Variants in SASH1 observed in about 807,000 individuals in gnomAD.
SASH1 encodes SAM and SH3 domain-containing protein 1.
A neutral mutation model predicts 125.2 loss-of-function variants in SASH1; 44 were observed. The observed-to-expected ratio is 0.35, with a 90% confidence interval of 0.28 to 0.45. The LOEUF is 0.45. Ranked by LOEUF, SASH1 falls within the 20% of genes least tolerant of loss-of-function variation. SASH1 has a pLI of 1.00. For synonymous variants in SASH1, 639 were observed against 649.1 expected (o/e 0.98, Z 0.24); for missense variants, 1,426 against 1,614.5 (o/e 0.88, Z 2.00).
chr6:148,514,149 A>C, intron 8 of SASH1, 175 bp from the exon 9 acceptor site: 1 of 1,391,706 alleles, frequency 7.2e-7, no homozygotes, highest in Non-Finnish European at 9.3e-7. Context: ...GCCGATTTAG[A>C]TCTTAAGATG....
chr6:148,370,165 T>C (rs1042498679), intron 1 of SASH1, among the ~76,000 whole-genome samples: 9 of 152,184 alleles, frequency 5.9e-5, no homozygotes, highest in African/African-American at 1.9e-4. Context: ...CGAATGTCCC[T>C]GTCTACACAA....
chr6:148,275,425 A>T (rs1332708115), intron 1 of SASH1, among the ~76,000 whole-genome samples: 1 of 152,046 alleles, frequency 6.6e-6, no homozygotes, highest in African/African-American at 2.4e-5. Context: ...TCTTTTGCCT[A>T]GACTGTCTTA....
At chr6:148,397,287 C>G (rs924211585) in intron 2 of SASH1, among the ~76,000 whole-genome samples, 2 of 152,074 alleles carry the variant, frequency 1.3e-5, no homozygotes, top group African/African-American at 4.8e-5. Flanking sequence ...TTGAAACCAG[C>G]TTGTCCAACA....
chr6:148,345,461 G>T (rs1200733115), intron 1 of SASH1, among the ~76,000 whole-genome samples: 1 of 152,196 alleles, frequency 6.6e-6, no homozygotes, highest in Non-Finnish European at 1.5e-5. Flanking sequence ...GTCCCAGACA[G>T]GTTGTGTTTG....
At chr6:148,204,956 G>A in the SASH1 span, among the ~76,000 whole-genome samples, 111 of 152,158 alleles carry the variant, frequency 7.3e-4, no homozygotes, top group Middle Eastern at 3.4e-3. Context: ...TTCCGAGAAG[G>A]CTGTCAGGTG....
At chr6:148,204,894 T>A in the SASH1 span, among the ~76,000 whole-genome samples, 3 of 152,338 alleles carry the variant, frequency 2.0e-5, no homozygotes, top group South Asian at 6.2e-4. Flanking sequence ...TTGCATGAGC[T>A]ATCATGGTCC....
intron 4 of SASH1, among the ~76,000 whole-genome samples, chr6:148,447,116 T>A (rs953593892): frequency 1.1e-4 from 17 of 152,168 alleles, no homozygotes; most frequent in African/African-American, 3.9e-4. Context: ...CCAAAATAAA[T>A]CTCAAAACTT....
chr6:148,390,955 T>G (rs1783690317), intron 2 of SASH1, among the ~76,000 whole-genome samples: 1 of 151,814 alleles, frequency 6.6e-6, no homozygotes, highest in Non-Finnish European at 1.5e-5. Context: ...CTCTTTTTCT[T>G]TTCTTCTTTT....
intron 1 of SASH1, among the ~76,000 whole-genome samples, chr6:148,327,011 T>C (rs976950876): frequency 6.6e-6 from 1 of 152,160 alleles, no homozygotes; most frequent in Non-Finnish European, 1.5e-5. Context: ...GGCTGGTGAA[T>C]CTTGTGCTCC....
intron 8 of SASH1, among the ~76,000 whole-genome samples, chr6:148,503,435 T>C (rs1779642421): frequency 1.3e-5 from 2 of 152,192 alleles, no homozygotes; most frequent in Non-Finnish European, 2.9e-5. Flanking sequence ...TATCAGTAAA[T>C]TATGGTATAC....
intron 10 of SASH1, among the ~76,000 whole-genome samples, chr6:148,521,443 G>C (rs1780804394): frequency 6.6e-6 from 1 of 152,180 alleles, no homozygotes; most frequent in South Asian, 2.1e-4. Context: ...AAGACGGATT[G>C]GTCAATGCCA....
intron 4 of SASH1, 116 bp downstream of exon 4, chr6:148,440,523 C>T: frequency 1.2e-6 from 1 of 863,430 alleles, no homozygotes; most frequent in Non-Finnish European, 1.9e-6. Flanking sequence ...TATGCGATGT[C>T]ATTTTCCTTA....
At chr6:148,540,651 A>C in intron 17 of SASH1, 95 bp downstream of exon 17, 3 of 908,418 alleles carry the variant, frequency 3.3e-6, no homozygotes, top group Non-Finnish European at 5.3e-6. Context: ...CCTGTCATGA[A>C]CTCAGCAATC....
chr6:148,420,557 T>G (rs1254912317), intron 2 of SASH1, among the ~76,000 whole-genome samples: 1 of 152,186 alleles, frequency 6.6e-6, no homozygotes, highest in African/African-American at 2.4e-5. Context: ...TGCCACTGTT[T>G]ATATATGTAT....
chr6:148,244,180 C>G, the SASH1 span, among the ~76,000 whole-genome samples: 6 of 152,222 alleles, frequency 3.9e-5, no homozygotes, highest in Non-Finnish European at 7.3e-5. Flanking sequence ...TTTCCCAGCT[C>G]TAAGCCTGCA....
intron 1 of SASH1, among the ~76,000 whole-genome samples, chr6:148,362,192 G>C (rs1028996443): frequency 1.3e-5 from 2 of 150,632 alleles, no homozygotes; most frequent in Non-Finnish European, 2.9e-5. Flanking sequence ...CTCCCAAAGT[G>C]CTGGGATTAC....
At chr6:148,468,008 A>G (rs997453055) in intron 4 of SASH1, among the ~76,000 whole-genome samples, 4 of 152,136 alleles carry the variant, frequency 2.6e-5, no homozygotes, top group Non-Finnish European at 5.9e-5. Context: ...TGCACTTGCC[A>G]ATTGGCAGCA....
chr6:148,342,367 A>G (rs1211449141), upstream of SASH1, among the ~76,000 whole-genome samples: 1 of 152,000 alleles, frequency 6.6e-6, no homozygotes, highest in Non-Finnish European at 1.5e-5. Flanking sequence ...GGAGTCGCTT[A>G]AAGATTAACT....
At chr6:148,464,857 AGGT>A (rs1426279628) in intron 4 of SASH1, among the ~76,000 whole-genome samples, 1 of 152,158 alleles carries the variant, frequency 6.6e-6, no homozygotes, top group Non-Finnish European at 1.5e-5. Context: ...GCCAGCATCT[AGGT>A]GGTGAACTTG....
Sources: allele counts gnomAD v4.1 joint callset (sites outside exome capture counted in the v4.1 genomes callset), GRCh38; gene constraint gnomAD v4.1.1; transcripts MANE v1.5; gene names NCBI Gene and HGNC (gene_info 2026-07-23, HGNC 2026-07-21).